KIAA1217: variants seen among roughly 807,000 people sequenced by gnomAD.
KIAA1217 encodes sickle tail protein homolog.
A neutral mutation model predicts 163.9 loss-of-function variants in KIAA1217; 88 were observed. That is an observed-to-expected ratio of 0.54 (90% CI 0.45 to 0.64). KIAA1217 has a LOEUF of 0.64. KIAA1217 is among the 30% of genes least tolerant of loss of function. KIAA1217 has a pLI of 0.00. For missense variants in KIAA1217, 2,372 were observed against 2,475.0 expected, an observed-to-expected ratio of 0.96 and a Z score of 0.88; for synonymous variants, 903 against 923.1, an observed-to-expected ratio of 0.98 and a Z score of 0.39.
chr10:24,269,210 TAAAAAAAAAAAAA>T (rs59746609), intron 2 of KIAA1217, among the ~76,000 whole-genome samples: 1 of 87,080 alleles, frequency 1.1e-5, no homozygotes, highest in African/African-American at 4.2e-5. Context: ...AAAGTATAAT[TAAAAAAAAAAAAA>T]AAAAAAAAAA....
At chr10:23,774,903 A>G (rs1412585125) in intron 1 of KIAA1217, among the ~76,000 whole-genome samples, 1 of 152,224 alleles carries the variant, frequency 6.6e-6, no homozygotes, top group African/African-American at 2.4e-5. Flanking sequence ...AGTTTTGATC[A>G]TCATACATGG....
chr10:24,209,268 G>A lies in KIAA1217; in HGVS notation c.70+5G>A. 1 of 1,610,340 alleles carries A rather than the reference G, an allele frequency of 6.2e-7. No homozygotes were observed. The highest frequency in any genetic ancestry group is 8.5e-7 in the Non-Finnish European group (1 of 1,177,114). On this transcript the variant is annotated splice_donor_5th_base_variant and intron_variant, in intron 1 of 20. Transcript: ENST00000376454. ...CAGACAGAAGACAGATGCAGGGTAA[G>A]TAACAGACCCATTCAAAGATGGAGT... is the stretch of plus-strand genomic sequence containing the variant.
At chr10:24,452,293 C>T (rs978692355) in intron 5 of KIAA1217, among the ~76,000 whole-genome samples, 13 of 152,000 alleles carry the variant, frequency 8.6e-5, no homozygotes, top group African/African-American at 3.1e-4. Context: ...CTGACCTGCA[C>T]CACCGGTGCT....
intron 9 of KIAA1217, among the ~76,000 whole-genome samples, chr10:24,512,732 G>A (rs11014130): frequency 0.3 from 45,342 of 152,108 alleles, 7,083 homozygotes; most frequent in Middle Eastern, 0.4. Context: ...TGATACTGAC[G>A]TATTTCATAG....
At chr10:23,816,705 G>A (rs114046080) in intron 1 of KIAA1217, among the ~76,000 whole-genome samples, 454 of 152,280 alleles carry the variant, frequency 3.0e-3, no homozygotes, top group African/African-American at 0.01. Context: ...AATCACTTTA[G>A]GGAGCTCTAG....
At chr10:24,399,397 C>CA (rs772509673) in intron 3 of KIAA1217, among the ~76,000 whole-genome samples, 55 of 152,024 alleles carry the variant, frequency 3.6e-4, no homozygotes, top group Non-Finnish European at 6.9e-4. Flanking sequence ...TTTCCCAATT[C>CA]AAAAAAATGC....
chr10:24,491,867 T>C (rs1564789231), intron 6 of KIAA1217, among the ~76,000 whole-genome samples: 1 of 152,128 alleles, frequency 6.6e-6, no homozygotes, highest in Non-Finnish European at 1.5e-5. Context: ...ACACTCCAGC[T>C]GTACAGAACC....
chr10:24,458,761 T>G (rs1369938154), intron 5 of KIAA1217, among the ~76,000 whole-genome samples: 5 of 152,216 alleles, frequency 3.3e-5, no homozygotes, highest in African/African-American at 1.2e-4. Context: ...ATTCATTTTC[T>G]TCCCTATTTC....
chr10:23,770,190 A>C (rs879487211), intron 1 of KIAA1217, among the ~76,000 whole-genome samples: 45 of 152,162 alleles, frequency 3.0e-4, no homozygotes, highest in East Asian at 7.7e-4. Flanking sequence ...CTAGTTTTTT[A>C]ATCATGTTTG....
intron 1 of KIAA1217, among the ~76,000 whole-genome samples, chr10:23,819,853 T>C (rs540493319): frequency 6.6e-6 from 1 of 152,240 alleles, no homozygotes; most frequent in East Asian, 1.9e-4. Context: ...ACCTGAGTCA[T>C]TTTTTTAGCG....
intron 2 of KIAA1217, among the ~76,000 whole-genome samples, chr10:24,222,606 G>A (rs2069814903): frequency 6.6e-6 from 1 of 152,056 alleles, no homozygotes; most frequent in African/African-American, 2.4e-5. Context: ...CACCTCTCAG[G>A]TTCAAGTAAT....
chr10:24,180,175 G>A (rs2066102730), intron 2 of KIAA1217, among the ~76,000 whole-genome samples: 2 of 151,786 alleles, frequency 1.3e-5, no homozygotes, highest in South Asian at 4.2e-4. Context: ...TGCCAAAGTG[G>A]CTTCTTTTAA....
In KIAA1217 at chr10:23,907,292, T is replaced by TTGTGTGTG. The variant is rs146002283; in HGVS notation, c.-320-99913_-320-99906dup. Among the ~76,000 whole-genome samples the TTGTGTGTG allele has an allele frequency of 9.2e-4, 134 of 145,858 alleles. No individual in the cohort carries two copies. The South Asian group carries it at 0.011, about 12-fold the overall frequency. ...TGCAGAGAAAGAGAACCAATATGAT[T>TTGTGTGTG]TGTGTGTGTGTGTGTGTGTGTGTGT... On this transcript the variant is annotated intron_variant, in intron 1 of 18. Transcript: ENST00000376462.
chr10:23,893,292 G>T (rs551198078), intron 1 of KIAA1217, among the ~76,000 whole-genome samples: 1 of 152,196 alleles, frequency 6.6e-6, no homozygotes, highest in African/African-American at 2.4e-5. Flanking sequence ...GGTGTTTGTA[G>T]TATTCTCTGC....
At chr10:23,841,956 C>A (rs952786946) in intron 1 of KIAA1217, among the ~76,000 whole-genome samples, 1 of 151,874 alleles carries the variant, frequency 6.6e-6, no homozygotes, top group African/African-American at 2.4e-5. Flanking sequence ...CAACCTCTGC[C>A]TCCCAGGTTC....
chr10:23,722,884 G>C (rs1262987765), intron 1 of KIAA1217, among the ~76,000 whole-genome samples: 1 of 152,140 alleles, frequency 6.6e-6, no homozygotes, highest in Non-Finnish European at 1.5e-5. Flanking sequence ...TAAGGAGTAG[G>C]CTTCAGGTCT....
intron 3 of KIAA1217, among the ~76,000 whole-genome samples, chr10:24,423,190 T>G (rs2058889605): frequency 1.3e-5 from 2 of 152,126 alleles, no homozygotes; most frequent in African/African-American, 4.8e-5. Context: ...GTGCTGGGAT[T>G]ACAGGTGTGA....
chr10:23,746,486 C>T (rs1337647994), intron 1 of KIAA1217, among the ~76,000 whole-genome samples: 3 of 151,996 alleles, frequency 2.0e-5, no homozygotes, highest in Admixed American at 6.6e-5. Context: ...TGCAGTGGTG[C>T]GATCTTGGCT....
intron 2 of KIAA1217, among the ~76,000 whole-genome samples, chr10:24,009,622 C>T (rs1213462755): frequency 1.3e-5 from 2 of 152,034 alleles, no homozygotes; most frequent in East Asian, 3.9e-4. Flanking sequence ...ATGGGGTTGA[C>T]CTGTTGGTTA....
Sources: allele counts gnomAD v4.1 joint callset (sites outside exome capture counted in the v4.1 genomes callset), GRCh38; gene constraint gnomAD v4.1.1; transcripts MANE v1.5; gene names NCBI Gene and HGNC (gene_info 2026-07-23, HGNC 2026-07-21).